Variants in SAMD12 observed in about 807,000 individuals in gnomAD.
The protein encoded by SAMD12 is sterile alpha motif domain-containing protein 12.
In SAMD12, 9 loss-of-function variants were observed where a neutral mutation model predicts 15.0. The ratio of observed to expected loss-of-function variants is 0.60; its 90% CI spans 0.36 to 1.05. The LOEUF (loss-of-function observed/expected upper bound fraction) is 1.05, where lower values mean the gene tolerates loss of function less well. Among genes scored for constraint, SAMD12 ranks in the 50% least tolerant of loss-of-function variants. The pLI is 0.01. For missense variants in SAMD12, 230 were observed against 234.2 expected, an observed-to-expected ratio of 0.98 and a Z score of 0.12; for synonymous variants, 86 against 90.1, an observed-to-expected ratio of 0.96 and a Z score of 0.25.
At chr8:118,451,826 C>A (rs943602437) in intron 2 of SAMD12, among the ~76,000 whole-genome samples, 6 of 152,104 alleles carry the variant, frequency 3.9e-5, no homozygotes, top group Admixed American at 2.0e-4. Flanking sequence ...CCACCCCCAA[C>A]CCCAGGTCCA....
At chr8:118,163,893 CAAAACA>C in the SAMD12 span, among the ~76,000 whole-genome samples, 36 of 148,124 alleles carry the variant, frequency 2.4e-4, no homozygotes, top group African/African-American at 8.6e-4. Flanking sequence ...CAAAACAAAA[CAAAACA>C]AAACAAAACA....
At chr8:118,321,144 A>AATATATATATATATATATATATATATAT (rs4053452) in intron 4 of SAMD12, among the ~76,000 whole-genome samples, 1 of 94,508 alleles carries the variant, frequency 1.1e-5, no homozygotes, top group Non-Finnish European at 2.0e-5. Flanking sequence ...ATAGATAATA[A>AATATATATATATATATATATATATATAT]ATATATATAT....
intron 3 of SAMD12, among the ~76,000 whole-genome samples, chr8:118,390,924 G>A (rs1411629314): frequency 1.3e-5 from 2 of 151,830 alleles, no homozygotes; most frequent in African/African-American, 4.8e-5. Context: ...ATATATTCAG[G>A]TTAATAGGAG....
intron 1 of SAMD12, among the ~76,000 whole-genome samples, chr8:118,608,029 C>T (rs752811129): frequency 2.6e-5 from 4 of 152,162 alleles, no homozygotes; most frequent in Non-Finnish European, 5.9e-5. Context: ...CTTCTTTCAG[C>T]ATCTTGCCAT....
chr8:118,468,157 G>A (rs1823650686), intron 2 of SAMD12, among the ~76,000 whole-genome samples: 1 of 152,144 alleles, frequency 6.6e-6, no homozygotes, highest in African/African-American at 2.4e-5. Context: ...AAGTATATAT[G>A]CAGATACACA....
intron 2 of SAMD12, among the ~76,000 whole-genome samples, chr8:118,545,705 C>A (rs79653190): frequency 1.3e-5 from 2 of 152,056 alleles, no homozygotes; most frequent in African/African-American, 4.8e-5. Context: ...AACATACTGG[C>A]AATGAAATCA....
chr8:118,602,572 G>C (rs562474337), intron 1 of SAMD12, among the ~76,000 whole-genome samples: 1 of 152,208 alleles, frequency 6.6e-6, no homozygotes, highest in African/African-American at 2.4e-5. Flanking sequence ...TAATAAAATG[G>C]GTGGACAGAA....
chr8:118,571,616 T>C (rs1472570422), intron 2 of SAMD12, among the ~76,000 whole-genome samples: 1 of 152,200 alleles, frequency 6.6e-6, no homozygotes, highest in African/African-American at 2.4e-5. Context: ...CCAGCTGCTC[T>C]AGCCATAGCT....
chr8:118,465,036 A>G (rs1053813014), intron 2 of SAMD12, among the ~76,000 whole-genome samples: 6 of 152,230 alleles, frequency 3.9e-5, no homozygotes, highest in African/African-American at 7.2e-5. Context: ...CCATGCCTGC[A>G]GGGTAAGTGA....
intron 4 of SAMD12, among the ~76,000 whole-genome samples, chr8:118,204,679 G>A (rs1180017679): frequency 6.6e-6 from 1 of 152,138 alleles, no homozygotes; most frequent in Non-Finnish European, 1.5e-5. Flanking sequence ...GTGTGAACCT[G>A]GGAGGCGGGG....
chr8:118,500,647 A>T (rs1824757833), intron 2 of SAMD12, among the ~76,000 whole-genome samples: 1 of 151,992 alleles, frequency 6.6e-6, no homozygotes, highest in Non-Finnish European at 1.5e-5. Context: ...CTCTACTAAA[A>T]ATACAAAAAT....
At chr8:118,322,959 C>T (rs570385667) in intron 4 of SAMD12, among the ~76,000 whole-genome samples, 9 of 152,260 alleles carry the variant, frequency 5.9e-5, no homozygotes, top group African/African-American at 1.2e-4. Context: ...GACTATAATT[C>T]GAAACTTCCC....
At chr8:118,432,823 G>T (rs1158699132) in intron 3 of SAMD12, among the ~76,000 whole-genome samples, 1 of 152,046 alleles carries the variant, frequency 6.6e-6, no homozygotes, top group African/African-American at 2.4e-5. Flanking sequence ...AGGGAGTATA[G>T]GCAAAACCAA....
intron 3 of SAMD12, among the ~76,000 whole-genome samples, chr8:118,434,669 C>T (rs948608025): frequency 2.6e-5 from 4 of 152,212 alleles, no homozygotes; most frequent in African/African-American, 9.6e-5. Context: ...GCATTCCAGG[C>T]CAGGCCTCAG....
intron 2 of SAMD12, among the ~76,000 whole-genome samples, chr8:118,550,573 C>G (rs1826295506): frequency 6.6e-6 from 1 of 152,198 alleles, no homozygotes. Context: ...GCTGCAAAAT[C>G]ATGCCAAAAT....
At chr8:118,148,241 C>T in the SAMD12 span, among the ~76,000 whole-genome samples, 1 of 152,002 alleles carries the variant, frequency 6.6e-6, no homozygotes, top group Non-Finnish European at 1.5e-5. Flanking sequence ...AGCCACTGTG[C>T]CTGGTTGAGA....
intron 4 of SAMD12, among the ~76,000 whole-genome samples, chr8:118,305,479 C>G (rs1285748634): frequency 1.3e-5 from 2 of 152,086 alleles, no homozygotes; most frequent in African/African-American, 4.8e-5. Context: ...CTTTTTATGG[C>G]TGAATATTTA....
chr8:118,515,882 A>G (rs1232922417), intron 2 of SAMD12, among the ~76,000 whole-genome samples: 1 of 152,220 alleles, frequency 6.6e-6, no homozygotes, highest in Admixed American at 6.5e-5. Context: ...TCCAGTCCCC[A>G]GCCCTCTCTG....
At chr8:118,367,029 C>T (rs559923266) in intron 4 of SAMD12, among the ~76,000 whole-genome samples, 203 of 152,032 alleles carry the variant, frequency 1.3e-3, no homozygotes, top group Non-Finnish European at 2.5e-3. Flanking sequence ...AATGGCTGCA[C>T]AACTTTAGAG....
Sources: allele counts gnomAD v4.1 joint callset (sites outside exome capture counted in the v4.1 genomes callset), GRCh38; gene constraint gnomAD v4.1.1; transcripts MANE v1.5; gene names NCBI Gene and HGNC (gene_info 2026-07-23, HGNC 2026-07-21).